Variants in SLC18A1 observed in about 807,000 individuals in gnomAD.
SLC18A1 encodes solute carrier family 18 member A1, also known as chromaffin granule amine transporter.
SLC18A1 carries 69 observed loss-of-function variants against 53.7 expected under a neutral mutation model. That is an observed-to-expected ratio of 1.28 (90% CI 1.06 to 1.57). The LOEUF (loss-of-function observed/expected upper bound fraction) is 1.57. Ranked by LOEUF, SLC18A1 falls within the 40% of genes most tolerant of loss-of-function variation. SLC18A1 has a pLI of 0.00. For missense variants in SLC18A1, 932 were observed against 668.1 expected, an observed-to-expected ratio of 1.40 and a Z score of -4.35; for synonymous variants, 320 against 248.1, an observed-to-expected ratio of 1.29 and a Z score of -2.72.
intron 8 of SLC18A1, among the ~76,000 whole-genome samples, chr8:20,170,265 C>T (rs1195041153): frequency 1.3e-5 from 2 of 152,180 alleles, no homozygotes; most frequent in African/African-American, 4.8e-5. Context: ...GTTTCAAATT[C>T]TTTCAGATGC....
intron 4 of SLC18A1, among the ~76,000 whole-genome samples, chr8:20,178,178 C>G (rs1231930060): frequency 6.6e-6 from 1 of 150,788 alleles, no homozygotes; most frequent in Non-Finnish European, 1.5e-5. Flanking sequence ...TCAAACAGCT[C>G]TCATTATGTC....
At position 20,147,878 on chromosome 8, in the gene SLC18A1, C is replaced by A. The variant is rs539085409; in HGVS notation, c.1210+129G>T. 8.4e-5 allele frequency: 121 copies of A among 1,433,902 alleles called. No individual in the cohort carries two copies. The South Asian group carries it at 1.4e-3, about 17-fold the overall frequency. The allele number at this position is 1,433,902 out of a possible 1,614,324, so 88.8% of individuals were successfully genotyped here. A position where few individuals can be genotyped will look rare whatever the true frequency, so the allele number is the denominator to read the frequency against. On this transcript the variant is annotated intron_variant, in intron 13 of 15. Transcript: ENST00000276373. ...AATTACGAGCTCATCTCTCCACAACCCTGCCAGCTGCCCTCCTGATCCTTC... is the reference window on the plus strand; with the variant it reads ...AATTACGAGCTCATCTCTCCACAACACTGCCAGCTGCCCTCCTGATCCTTC...
Position 20,150,726 on chromosome 8 carries a change from G to C in SLC18A1, c.1034C>G (p.Ala345Gly). 6.2e-7 allele frequency: 1 copy of C among 1,614,116 alleles called. No homozygotes were observed. Among genetic ancestry groups the C allele is most frequent in the Non-Finnish European group, 8.5e-7 (1 of 1,179,972 alleles). ...KWQLGLAFLP[A>G]SVSYLIGTNL... Reference sequence around the variant, plus strand: ...GGTGCCAATGAGGTAGGACACACTGGCAGGCAAGAAAGCTAGACCTGTGGA... The same window carrying C: ...GGTGCCAATGAGGTAGGACACACTGCCAGGCAAGAAAGCTAGACCTGTGGA... Residue 345 changes from alanine to glycine, a missense_variant, in exon 11 of 16, where the codon GCC becomes GGC. Physicochemically the swap from Ala to Gly is moderately conservative, Grantham distance 60. Transcript: ENST00000276373.
In SLC18A1 at chr8:20,149,978, CT is replaced by C. The variant is rs977429615; in HGVS notation, c.1095-252del. Among the ~76,000 whole-genome samples the C allele has an allele frequency of 4.1e-4, 62 of 152,288 alleles. 1 individual carries two copies. The highest frequency in any genetic ancestry group is 1.4e-3 in the African/African-American group (59 of 41,554). On this transcript the variant is annotated intron_variant, in intron 11 of 15. Transcript: ENST00000276373. ...TGCCGTGGGACACACTCTTCCTTCC[CT>C]TACAGGAGGAATCAGCTGACTCAGG...
At chr8:20,162,641 T>C (rs781129714) in intron 10 of SLC18A1, among the ~76,000 whole-genome samples, 1 of 152,246 alleles carries the variant, frequency 6.6e-6, no homozygotes, top group African/African-American at 2.4e-5. Flanking sequence ...AAGTTTTTTG[T>C]AACTGTATAA....
At chr8:20,151,802 T>C (rs2071563004) in intron 10 of SLC18A1, among the ~76,000 whole-genome samples, 1 of 152,182 alleles carries the variant, frequency 6.6e-6, no homozygotes, top group Non-Finnish European at 1.5e-5. Context: ...TTCCATTCAT[T>C]CATTCATTCA....
At chr8:20,148,404 C>G (rs953671237) in intron 12 of SLC18A1, 11 of 1,236,938 alleles carry the variant, frequency 8.9e-6, no homozygotes, top group Non-Finnish European at 1.2e-5. Flanking sequence ...CCTTCCTCTA[C>G]CCCTCTTCAC....
At chr8:20,173,689 G>A (rs1392832479) in intron 5 of SLC18A1, among the ~76,000 whole-genome samples, 1 of 152,190 alleles carries the variant, frequency 6.6e-6, no homozygotes, top group Non-Finnish European at 1.5e-5. Flanking sequence ...GGTGTTACCA[G>A]TAGTACTAAC....
intron 10 of SLC18A1, among the ~76,000 whole-genome samples, chr8:20,159,289 T>G (rs1466009557): frequency 6.6e-6 from 1 of 152,160 alleles, no homozygotes; most frequent in African/African-American, 2.4e-5. Flanking sequence ...TGGGTTTTCC[T>G]GTTGAGAGGG....
intron 5 of SLC18A1, among the ~76,000 whole-genome samples, chr8:20,173,417 C>T (rs911584369): frequency 3.1e-4 from 47 of 152,160 alleles, no homozygotes; most frequent in African/African-American, 1.1e-3. Flanking sequence ...AACATTTTAT[C>T]ATTTCCTAGC....
intron 11 of SLC18A1, 125 bp downstream of exon 11, chr8:20,150,541 T>A (rs2071524440): frequency 1.2e-6 from 1 of 845,886 alleles, no homozygotes; most frequent in Non-Finnish European, 2.0e-6. Flanking sequence ...GTGGGAAGTT[T>A]TTATCGGTGT....
At chr8:20,166,754 T>C (rs192131452) in intron 8 of SLC18A1, among the ~76,000 whole-genome samples, 11 of 152,288 alleles carry the variant, frequency 7.2e-5, no homozygotes, top group Admixed American at 7.2e-4. Flanking sequence ...CCTAACCTAA[T>C]ATGACTGTGT....
At chr8:20,168,621 C>A (rs1200932225) in intron 8 of SLC18A1, among the ~76,000 whole-genome samples, 1 of 151,118 alleles carries the variant, frequency 6.6e-6, no homozygotes, top group Non-Finnish European at 1.5e-5. Context: ...ACTTTGTCAC[C>A]CAGGCTGGAG....
Position 20,145,602 on chromosome 8 carries a change from G to A in SLC18A1, c.*161C>T. On this transcript the variant is annotated 3_prime_UTR_variant, in exon 16 of 16. Coordinates refer to ENST00000276373, the MANE Select transcript of SLC18A1 (RefSeq NM_003053.4). ...AGGAAGAGCTACAAGTTACACAGGT[G>A]AGAAGAGTATCAGGGACAGTGTCCA... 4.2e-6 allele frequency: 2 copies of A among 480,436 alleles called. No individual in the cohort carries two copies. Among genetic ancestry groups the A allele is most frequent in the Non-Finnish European group, 7.4e-6 (2 of 270,646 alleles). 29.8% of individuals were successfully genotyped at this position (480,436 alleles called of 1,614,324 possible).
Position 20,173,106 on chromosome 8 carries a change from G to T in SLC18A1, c.654C>A (p.Val218=). The change falls in exon 6 of 16, where the codon GTC becomes GTA. Residue 218 remains valine (V), a synonymous_variant. Transcript: ENST00000276373. ...SVAGLGMLAS[V]YTDDHERGRA... ...GTCCTCTCTCATGGTCATCAGTGTA[G>T]ACACTGGCCAGCATTCCAAGACCTG... The T allele has an allele frequency of 6.3e-7, 1 of 1,577,238 alleles. No homozygotes were observed. Among genetic ancestry groups the T allele is most frequent in the Non-Finnish European group, 8.6e-7 (1 of 1,162,040 alleles).
chr8:20,151,216 G>C lies in SLC18A1; in HGVS notation c.1016-472C>G, dbSNP rs141588199. 1.6e-3 allele frequency among the ~76,000 whole-genome samples: 246 copies of C among 150,736 alleles called. 2 individuals are homozygous for C. The highest frequency in any genetic ancestry group is 5.6e-3 in the African/African-American group (230 of 40,968). On this transcript the variant is annotated intron_variant, in intron 10 of 15. Transcript: ENST00000276373. ...GGAGTCTCGTCATGTTGCCCAGGCT[G>C]GTCATGAAATCCTGCCTGCCTTGGC...
At chr8:20,155,573 T>C (rs1325695930) in intron 10 of SLC18A1, among the ~76,000 whole-genome samples, 1 of 152,206 alleles carries the variant, frequency 6.6e-6, no homozygotes, top group East Asian at 1.9e-4. Context: ...GTCTCTACTC[T>C]ATAGTTGCCC....
intron 10 of SLC18A1, among the ~76,000 whole-genome samples, chr8:20,161,415 C>A (rs1053243102): frequency 3.4e-4 from 52 of 151,974 alleles, no homozygotes; most frequent in African/African-American, 1.2e-3. Flanking sequence ...TACAGTATAA[C>A]AACTATTTAT....
intron 12 of SLC18A1, chr8:20,148,403 A>C: frequency 8.1e-7 from 1 of 1,228,160 alleles, no homozygotes; most frequent in Non-Finnish European, 1.1e-6. Flanking sequence ...CCCTTCCTCT[A>C]CCCCTCTTCA....
Sources: gnomAD v4.1 joint callset for allele counts (sites outside exome capture counted in the v4.1 genomes callset) on GRCh38, gnomAD v4.1.1 for gene constraint, MANE v1.5 for transcripts, NCBI Gene and HGNC (gene_info 2026-07-23, HGNC 2026-07-21) for gene names.